The following TLCD2 variants were observed in gnomAD, a reference collection of about 807,000 sequenced individuals.
The protein encoded by TLCD2 is TLC domain containing 2.
A neutral mutation model predicts 14.0 loss-of-function variants in TLCD2; 12 were observed. The ratio of observed to expected loss-of-function variants is 0.86; its 90% CI spans 0.55 to 1.39. TLCD2 has a LOEUF of 1.39. TLCD2 is among the 40% of genes most tolerant of loss of function. The pLI, the probability that TLCD2 is intolerant of heterozygous loss-of-function variation, is 0.00. For missense variants in TLCD2, 360 were observed against 346.8 expected (o/e 1.04, Z -0.30); for synonymous variants, 166 against 156.5 (o/e 1.06, Z -0.45).
chr17:1,709,592 G>C lies in TLCD2; in HGVS notation c.260-11C>G, dbSNP rs555290480. On this transcript the variant is annotated splice_polypyrimidine_tract_variant and intron_variant, in intron 2 of 3. Coordinates refer to ENST00000330676, the MANE Select transcript of TLCD2 (RefSeq NM_001164407.2). ...CTGCCAGGAAGTAACCTGTGGGCAT[G>C]GGGGTAGGGGTTAGGCTGCTCCAGA... The C allele has an allele frequency of 1.7e-4, 259 of 1,536,664 alleles. 2 individuals carry two copies. In the South Asian group the frequency reaches 2.4e-3, roughly 14 times the overall value.
intron 3 of TLCD2, among the ~76,000 whole-genome samples, chr17:1,708,579 T>C (rs1282952131): frequency 1.4e-5 from 2 of 145,796 alleles, no homozygotes; most frequent in African/African-American, 5.0e-5. Flanking sequence ...CTCTGCCTCC[T>C]GGGTTCAAGC....
rs1310704807 is a variant in TLCD2, at chr17:1,709,855, G to A, written c.208C>T (p.Pro70Ser). 1 of 1,535,246 alleles carries A rather than the reference G, an allele frequency of 6.5e-7. No homozygotes were observed. The highest frequency in any genetic ancestry group is 8.7e-7 in the Non-Finnish European group (1 of 1,146,748). ...LSLYPQMAADPIHGHPRWALV... is the reference protein window; with the variant it reads ...LSLYPQMAADSIHGHPRWALV... The stretch of plus-strand genomic sequence containing the variant: ...GCCCAGCGCGGGTGGCCATGGATGG[G>A]GTCGGCGGCCATCTGAGGGTACAGT... Residue 70 changes from proline to serine, a missense_variant, in exon 2 of 4, where the codon CCC (proline) becomes TCC (serine). By Grantham distance (74) the Pro-to-Ser change is moderately conservative. Coordinates refer to ENST00000330676, the MANE Select transcript of TLCD2 (RefSeq NM_001164407.2).
At chr17:1,709,694 C>G (rs1432944744) in intron 2 of TLCD2, 110 bp downstream of exon 2, 6 of 1,159,466 alleles carry the variant, frequency 5.2e-6, no homozygotes, top group Non-Finnish European at 7.4e-6. Flanking sequence ...CTTGGTAAAG[C>G]CTTCAGGAAC....
intron 3 of TLCD2, among the ~76,000 whole-genome samples, chr17:1,708,647 C>T (rs183691970): frequency 5.9e-5 from 9 of 152,138 alleles, no homozygotes; most frequent in African/African-American, 2.2e-4. Context: ...CCACCACACC[C>T]AGGTAATTTT....
chr17:1,709,901 T>C lies in TLCD2; in HGVS notation c.177-15A>G, dbSNP rs954069043. On this transcript the variant is annotated splice_polypyrimidine_tract_variant and intron_variant, in intron 1 of 3. Transcript: ENST00000330676. Reference sequence around the variant, plus strand: ...ACAGTGACAGGCTGGGGGCATGGGGTGGGGACATGGGGGGGGGCATGGTCA... The same window carrying C: ...ACAGTGACAGGCTGGGGGCATGGGGCGGGGACATGGGGGGGGGCATGGTCA... 3.3e-5 allele frequency: 30 copies of C among 914,608 alleles called. No individual in the cohort carries two copies. The highest frequency in any genetic ancestry group is 4.5e-5 in the Non-Finnish European group (27 of 605,584). The allele number at this position is 914,608 out of a possible 1,614,324, so 56.7% of individuals were successfully genotyped here.
rs1236383469 is a variant in TLCD2, at chr17:1,710,151, G to A, written c.92C>T (p.Ser31Leu). Residue 31 changes from serine (S) to leucine (L), a missense_variant, in exon 1 of 4, where the codon TCG (serine) becomes TTG (leucine). Ser to Leu is a moderately radical substitution (Grantham distance 145). Coordinates refer to ENST00000330676, the MANE Select transcript of TLCD2 (RefSeq NM_001164407.2). The surrounding 1 kb of genome is among the most constrained non-coding windows in gnomAD (Gnocchi z 6.1). ...WGLRRLPTPE[S>L]AARDRWQWWN... ...CCACTGCCAGCGGTCCCGAGCGGCC[G>A]ATTCCGGCGTGGGCAGCCGCCGCAA... 1.3e-6 allele frequency: 2 copies of A among 1,533,306 alleles called. No homozygotes were observed. Among genetic ancestry groups the A allele is most frequent in the East Asian group, 4.9e-5 (2 of 40,850 alleles). 95.0% of individuals were successfully genotyped at this position (1,533,306 alleles called of 1,614,324 possible). A position where few individuals can be genotyped will look rare whatever the true frequency, so the allele number is the denominator to read the frequency against.
In TLCD2 at chr17:1,709,529, C is replaced by T. The variant is rs1195016173; in HGVS notation, c.312G>A (p.Lys104=). The T allele has an allele frequency of 2.0e-6, 3 of 1,536,816 alleles. No individual in the cohort carries two copies. Among genetic ancestry groups the T allele is most frequent in the Admixed American group, 3.9e-5 (2 of 50,934 alleles). The part of the protein sequence containing the change: ...ADLLWNQTLG[K]TWDLLCHHLV... ...AATGATGACAGAGAAGATCCCAGGT[C>T]TTGCCCAAGGTCTGGTTCCACAGCA... Residue 104 remains lysine (K), a synonymous_variant, in exon 3 of 4, where the codon AAG becomes AAA. Transcript: ENST00000330676.
Position 1,707,938 on chromosome 17 carries a change from A to AGTGACCAGCCCAATTCCACCCAGG in TLCD2, c.603_626dup (p.Leu202_Thr209dup), listed in dbSNP as rs1205069451. 2 of 1,537,324 alleles carry AGTGACCAGCCCAATTCCACCCAGG rather than the reference A, an allele frequency of 1.3e-6. No homozygotes were observed. The highest frequency in any genetic ancestry group is 2.4e-5 in the South Asian group (2 of 84,060). On this transcript the variant is annotated inframe_insertion, in exon 4 of 4. Coordinates refer to ENST00000330676, the MANE Select transcript of TLCD2 (RefSeq NM_001164407.2). ...CCAATATGATGCTCATGATGCCCAC[A>AGTGACCAGCCCAATTCCACCCAGG]GTGACCAGCCCAATTCCACCCAGGG... is the stretch of plus-strand genomic sequence containing the variant.
chr17:1,709,389 CAAAAAAAAAA>C (rs781399159), intron 3 of TLCD2, 100 bp downstream of exon 3: 29 of 298,780 alleles, frequency 9.7e-5, no homozygotes, highest in East Asian at 2.2e-4. Flanking sequence ...GACTCCGTCT[CAAAAAAAAAA>C]AAAAAAAAAA....
Position 1,707,420 on chromosome 17 carries a change from G to T in TLCD2, c.*350C>A, listed in dbSNP as rs995398168. ...AGTGGGACTTCACCTTCCCCCATCTGTCCCTGGGTTAAAGCAAAGAGCTTC... is the reference window on the plus strand; with the variant it reads ...AGTGGGACTTCACCTTCCCCCATCTTTCCCTGGGTTAAAGCAAAGAGCTTC... On this transcript the variant is annotated 3_prime_UTR_variant, in exon 4 of 4. Transcript: ENST00000330676. 7.5e-6 allele frequency: 2 copies of T among 265,726 alleles called. No homozygotes were observed. Among genetic ancestry groups the T allele is most frequent in the Non-Finnish European group, 7.1e-6 (1 of 140,184 alleles). The allele number at this position is 265,726 out of a possible 1,614,324, so 16.5% of individuals were successfully genotyped here. A position where few individuals can be genotyped will look rare whatever the true frequency, so the allele number is the denominator to read the frequency against.
chr17:1,707,698 G>C lies in TLCD2; in HGVS notation c.*72C>G. The C allele has an allele frequency of 8.1e-7, 1 of 1,236,176 alleles. No homozygotes were observed. The highest frequency in any genetic ancestry group is 1.1e-6 in the Non-Finnish European group (1 of 920,412). 76.6% of individuals were successfully genotyped at this position (1,236,176 alleles called of 1,614,324 possible). Reference sequence around the variant, plus strand: ...AAGTCTGGCCCTCACCCTGATGGGGGACTGTGCATGGAAGACCCTCATCTC... The same window carrying C: ...AAGTCTGGCCCTCACCCTGATGGGGCACTGTGCATGGAAGACCCTCATCTC... On this transcript the variant is annotated 3_prime_UTR_variant, in exon 4 of 4. Coordinates refer to ENST00000330676, the MANE Select transcript of TLCD2 (RefSeq NM_001164407.2).
rs1913938067 is a variant in TLCD2 at position 1,703,527 on chromosome 17, T to A, written c.*4243A>T. The A allele has an allele frequency of 6.6e-6, 1 of 152,240 alleles. No individual in the cohort carries two copies. The highest frequency in any genetic ancestry group is 2.1e-4 in the South Asian group (1 of 4,832). The allele number at this position is 152,240 out of a possible 1,614,324, so 9.4% of individuals were successfully genotyped here. On this transcript the variant is annotated 3_prime_UTR_variant, in exon 4 of 4. Transcript: ENST00000330676. Reference sequence around the variant, plus strand: ...GCCTCCCGGGTTCATGCCATTCTCCTGCCTCAGCCTCCTGAGTAGCTGGGA... The same window carrying A: ...GCCTCCCGGGTTCATGCCATTCTCCAGCCTCAGCCTCCTGAGTAGCTGGGA...
At chr17:1,709,180 G>A (rs1306169528) in intron 3 of TLCD2, among the ~76,000 whole-genome samples, 2 of 152,120 alleles carry the variant, frequency 1.3e-5, no homozygotes, top group Non-Finnish European at 1.5e-5. Flanking sequence ...CCTGAGGTCA[G>A]AAGTTCGAGA....
Position 1,710,104 on chromosome 17 carries a change from C to T in TLCD2, c.139G>A (p.Ala47Thr), listed in dbSNP as rs1347044803. 1 of 1,533,410 alleles carries T rather than the reference C, an allele frequency of 6.5e-7. No homozygotes were observed. The highest frequency in any genetic ancestry group is 1.4e-5 in the African/African-American group (1 of 72,920). The allele number at this position is 1,533,410 out of a possible 1,614,324, so 95.0% of individuals were successfully genotyped here. A position where few individuals can be genotyped will look rare whatever the true frequency, so the allele number is the denominator to read the frequency against. ...WQWWNLCVSL[A>T]HSLLSGTGAL... ...CCGGTCCCCGAGAGCAGGCTGTGCG[C>T]CAGGGAGACGCAGAGGTTCCACCAC... The change falls in exon 1 of 4, where the codon GCG becomes ACG. Residue 47 changes from alanine to threonine, a missense_variant. Coordinates refer to ENST00000330676, the MANE Select transcript of TLCD2 (RefSeq NM_001164407.2). This position sits in a 1 kb window ranked among gnomAD's most constrained non-coding sequence, Gnocchi z 6.1.
Position 1,707,808 on chromosome 17 carries a change from C to T in TLCD2, c.757G>A (p.Val253Ile). The T allele has an allele frequency of 6.6e-7, 1 of 1,514,366 alleles. No homozygotes were observed. Among genetic ancestry groups the T allele is most frequent in the East Asian group, 2.5e-5 (1 of 40,666 alleles). The allele number at this position is 1,514,366 out of a possible 1,614,324, so 93.8% of individuals were successfully genotyped here. The change falls in exon 4 of 4, where the codon GTC becomes ATC. Residue 253 changes from valine (V) to isoleucine (I), a missense_variant. Coordinates refer to ENST00000330676, the MANE Select transcript of TLCD2 (RefSeq NM_001164407.2). ...CTGAGAGTCGAACTGTTGCTGGTGA[C>T]AGGTCCATTGTCACGACGTGTCCTG... ...GTRTRRDNGP[V>I]TSNSSTLSLK...
chr17:1,708,931 G>A (rs1914129578), intron 3 of TLCD2, among the ~76,000 whole-genome samples: 1 of 152,064 alleles, frequency 6.6e-6, no homozygotes, highest in Non-Finnish European at 1.5e-5. Context: ...GGCATGGTGG[G>A]TGCCCTTGTA....
At position 1,710,254 on chromosome 17, in the gene TLCD2, T is replaced by G; in HGVS notation, c.-12A>C. 1 of 1,515,344 alleles carries G rather than the reference T, an allele frequency of 6.6e-7. No individual in the cohort carries two copies. The highest frequency in any genetic ancestry group is 8.8e-7 in the Non-Finnish European group (1 of 1,138,984). The allele number at this position is 1,515,344 out of a possible 1,614,324, so 93.9% of individuals were successfully genotyped here. Reference sequence around the variant, plus strand: ...CCCGTGGGCGCCATGGCCTGGCGGTTGGGGGGTTGCGGGGAGTCCGGGTCG... The same window carrying G: ...CCCGTGGGCGCCATGGCCTGGCGGTGGGGGGGTTGCGGGGAGTCCGGGTCG... On this transcript the variant is annotated 5_prime_UTR_variant, in exon 1 of 4. Transcript: ENST00000330676. This position sits in a 1 kb window ranked among gnomAD's most constrained non-coding sequence, Gnocchi z 6.1.
rs1012298406 is a variant in TLCD2, at chr17:1,707,355, C to T, written c.*415G>A. On this transcript the variant is annotated 3_prime_UTR_variant, in exon 4 of 4. Transcript: ENST00000330676. The stretch of plus-strand genomic sequence containing the variant: ...TGGTTATAGGTGAGATCTCTTTTCT[C>T]TCTGTCCCCACCCGCCCCATACCAG... 2 of 178,128 alleles carry T rather than the reference C, an allele frequency of 1.1e-5. No homozygotes were observed. The highest frequency in any genetic ancestry group is 1.8e-4 in the South Asian group (1 of 5,452). 11.0% of individuals were successfully genotyped at this position (178,128 alleles called of 1,614,324 possible).
At chr17:1,709,257 G>A (rs1914139250) in intron 3 of TLCD2, among the ~76,000 whole-genome samples, 2 of 152,034 alleles carry the variant, frequency 1.3e-5, no homozygotes, top group African/African-American at 4.8e-5. Flanking sequence ...GGGCGTGGTG[G>A]CGGGTGCCTG....
Sources: gnomAD v4.1 joint callset for allele counts (sites outside exome capture counted in the v4.1 genomes callset) on GRCh38, gnomAD v4.1.1 for gene constraint, Gnocchi (gnomAD v3.1) non-coding constraint, MANE v1.5 for transcripts, NCBI Gene and HGNC (gene_info 2026-07-23, HGNC 2026-07-21) for gene names.